The following HERC2 variants were observed in gnomAD, a reference collection of about 807,000 sequenced individuals.
The protein encoded by HERC2 is HECT and RLD domain containing E3 ubiquitin protein ligase 2.
In HERC2, 102 loss-of-function variants were observed where a neutral mutation model predicts 537.7. The ratio of observed to expected loss-of-function variants is 0.19; its 90% CI spans 0.16 to 0.22. HERC2 has a LOEUF of 0.22. HERC2 is among the 10% of genes least tolerant of loss of function. The probability of loss-of-function intolerance (pLI) is 1.00; values close to 1 mark genes in which losing one functional copy is unlikely to be tolerated. For missense variants in HERC2, 4,236 were observed against 6,198.2 expected (o/e 0.68, Z 10.63); for synonymous variants, 2,224 against 2,466.2 (o/e 0.90, Z 2.91).
At position 28,111,655 on chromosome 15, in the gene HERC2, G is replaced by A. The variant is rs557582036; in HGVS notation, c.*108C>T. The A allele has an allele frequency of 1.6e-4, 203 of 1,231,676 alleles. No individual in the cohort carries two copies. The highest frequency in any genetic ancestry group is 2.2e-4 in the Non-Finnish European group (189 of 874,054). The allele number at this position is 1,231,676 out of a possible 1,614,324, so 76.3% of individuals were successfully genotyped here. ...TCCACTCCCTCCTCCCGCCTGGCTC[G>A]AGGACGGACGCTTCTCATCAGACAC... On this transcript the variant is annotated 3_prime_UTR_variant, in exon 93 of 93. Transcript: ENST00000261609.
intron 2 of HERC2, among the ~76,000 whole-genome samples, chr15:28,321,105 A>C (rs1329716085): frequency 3.9e-5 from 6 of 152,238 alleles, no homozygotes; most frequent in African/African-American, 1.4e-4. Flanking sequence ...AGTAATAATA[A>C]ATAGGAAAAA....
intron 4 of HERC2, among the ~76,000 whole-genome samples, chr15:28,289,569 C>T (rs2076255061): frequency 1.3e-5 from 2 of 152,230 alleles, no homozygotes; most frequent in African/African-American, 2.4e-5. Flanking sequence ...TAAAGCCAGT[C>T]GCTGGAGCTG....
chr15:28,197,749 G>C (rs1450552260), intron 50 of HERC2, among the ~76,000 whole-genome samples: 2 of 152,122 alleles, frequency 1.3e-5, no homozygotes, highest in Non-Finnish European at 2.9e-5. Context: ...GAAAGAAAAA[G>C]CAGTCCTGAC....
chr15:28,198,249 G>A, intron 50 of HERC2, 129 bp downstream of exon 50: 1 of 1,084,518 alleles, frequency 9.2e-7, no homozygotes, highest in Non-Finnish European at 1.3e-6. Flanking sequence ...GCACTGACAA[G>A]CAAAGGAACA....
At chr15:28,301,453 G>C (rs1489827119) in intron 2 of HERC2, among the ~76,000 whole-genome samples, 1 of 151,404 alleles carries the variant, frequency 6.6e-6, no homozygotes, top group African/African-American at 2.4e-5. Flanking sequence ...GACTGATAGG[G>C]ACTCCTGACC....
Position 28,207,110 on chromosome 15 carries a change from C to T in HERC2, c.7070-728G>A, listed in dbSNP as rs576316474. ...CTGTCTCTTAGAGCCAGCAAATGCTCCTTCCCAGATTTCTGCACTTGGTCT... is the reference window on the plus strand; with the variant it reads ...CTGTCTCTTAGAGCCAGCAAATGCTTCTTCCCAGATTTCTGCACTTGGTCT... On this transcript the variant is annotated intron_variant, in intron 44 of 92. Transcript: ENST00000261609. 1.5e-4 allele frequency among the ~76,000 whole-genome samples: 23 copies of T among 150,984 alleles called. No individual in the cohort carries two copies. In the South Asian group the frequency reaches 4.6e-3, roughly 30 times the overall value.
At position 28,163,254 on chromosome 15, in the gene HERC2, G is replaced by A. The variant is rs766930414; in HGVS notation, c.10586C>T (p.Pro3529Leu). The change falls in exon 69 of 93, where the codon CCG becomes CTG. Residue 3529 changes from proline to leucine, a missense_variant. Physicochemically the swap from Pro to Leu is moderately conservative, Grantham distance 98. This residue lies in a region of HERC2 where 356 missense variants were observed against 450.9 expected (regional missense o/e 0.79). Coordinates refer to ENST00000261609, the MANE Select transcript of HERC2 (RefSeq NM_004667.6). ...DVESQNKAAGPEPQALDEFTS... is the reference protein window; with the variant it reads ...DVESQNKAAGLEPQALDEFTS... ...GAACTCATCCAAGGCCTGAGGCTCC[G>A]GACCTGCTGCTTTATTTTGGCTTTC... 9.9e-6 allele frequency: 16 copies of A among 1,613,470 alleles called. No homozygotes were observed. Among genetic ancestry groups the A allele is most frequent in the African/African-American group, 5.3e-5 (4 of 75,042 alleles).
At chr15:28,262,693 T>G (rs2075447668) in intron 15 of HERC2, among the ~76,000 whole-genome samples, 1 of 134,422 alleles carries the variant, frequency 7.4e-6, no homozygotes, top group Admixed American at 7.1e-5. Context: ...TTAAATTACA[T>G]TTCAGTCATT....
At position 28,246,648 on chromosome 15, in the gene HERC2, A is replaced by G. The variant is rs755818976; in HGVS notation, c.3391+94T>C. 44 of 1,107,600 alleles carry G rather than the reference A, an allele frequency of 4.0e-5. 1 individual carries two copies. The South Asian group carries it at 7.5e-4, about 19-fold the overall frequency. The allele number at this position is 1,107,600 out of a possible 1,614,324, so 68.6% of individuals were successfully genotyped here. A position where few individuals can be genotyped will look rare whatever the true frequency, so the allele number is the denominator to read the frequency against. The stretch of plus-strand genomic sequence containing the variant: ...GGCAGGAGGCCCAGAAAATTTAGAG[A>G]GTAAATGCAGGCATGCTGATCAGCA... On this transcript the variant is annotated intron_variant, in intron 22 of 92. Coordinates refer to ENST00000261609, the MANE Select transcript of HERC2 (RefSeq NM_004667.6).
chr15:28,256,050 C>T lies in HERC2; in HGVS notation c.2746+39G>A, dbSNP rs373451213. The T allele has an allele frequency of 2.8e-5, 45 of 1,604,724 alleles. No homozygotes were observed. The East Asian group carries it at 6.9e-4, about 25-fold the overall frequency. ...GTGAAACGCCATTCCCTCCCAACACCCTGACCCATGCCCTCTCCTGTTCCT... is the reference window on the plus strand; with the variant it reads ...GTGAAACGCCATTCCCTCCCAACACTCTGACCCATGCCCTCTCCTGTTCCT... On this transcript the variant is annotated intron_variant, in intron 18 of 92. Transcript: ENST00000261609.
intron 69 of HERC2, 147 bp downstream of exon 69, chr15:28,162,947 T>C: frequency 1.5e-6 from 1 of 680,250 alleles, no homozygotes; most frequent in Admixed American, 2.7e-5. Context: ...AACGTTTTGC[T>C]CTAAAGGAGT....
chr15:28,260,170 T>C (rs1223052664), intron 16 of HERC2, among the ~76,000 whole-genome samples: 1 of 145,100 alleles, frequency 6.9e-6, no homozygotes, highest in Non-Finnish European at 1.5e-5. Flanking sequence ...TGAAACCGTA[T>C]CTCCAAAAAA....
intron 69 of HERC2, among the ~76,000 whole-genome samples, chr15:28,158,559 T>G (rs1298831641): frequency 6.6e-6 from 1 of 152,090 alleles, no homozygotes; most frequent in Non-Finnish European, 1.5e-5. Context: ...GGATTGCAAC[T>G]CCTGCCTTTT....
rs764153781 is a variant in HERC2 at position 28,146,385 on chromosome 15, A to T, written c.10901-41T>A. 9.0e-6 allele frequency: 12 copies of T among 1,335,686 alleles called. No individual in the cohort carries two copies. In the African/African-American group the frequency reaches 1.2e-4, roughly 13 times the overall value. 82.7% of individuals were successfully genotyped at this position (1,335,686 alleles called of 1,614,324 possible). A position where few individuals can be genotyped will look rare whatever the true frequency, so the allele number is the denominator to read the frequency against. On this transcript the variant is annotated intron_variant, in intron 70 of 92. Transcript: ENST00000261609. ...GCACAAAACATAGCAACCACTCCAG[A>T]TCAGCACCCAAAGTAGAAACAGTGA...
chr15:28,123,298 T>C (rs915438457), intron 85 of HERC2, among the ~76,000 whole-genome samples: 2 of 152,240 alleles, frequency 1.3e-5, no homozygotes, highest in Admixed American at 1.3e-4. Flanking sequence ...TGGGCCATAA[T>C]ATTCGACAAC....
intron 37 of HERC2, among the ~76,000 whole-genome samples, chr15:28,219,273 G>A (rs780951053): frequency 6.6e-6 from 1 of 152,242 alleles, no homozygotes; most frequent in Non-Finnish European, 1.5e-5. Flanking sequence ...CGCTTGGCTG[G>A]CTTTGGGATG....
intron 2 of HERC2, among the ~76,000 whole-genome samples, chr15:28,302,918 G>T (rs2141221404): frequency 6.6e-6 from 1 of 152,084 alleles, no homozygotes; most frequent in African/African-American, 2.4e-5. Flanking sequence ...TCCTTTGTCA[G>T]ATGGGTAGTT....
At chr15:28,219,193 C>T (rs1900252727) in intron 37 of HERC2, among the ~76,000 whole-genome samples, 1 of 152,252 alleles carries the variant, frequency 6.6e-6, no homozygotes, top group African/African-American at 2.4e-5. Flanking sequence ...TTCTGATGAG[C>T]TGGCTGTGTC....
chr15:28,170,606 ATATACT>A (rs1005411932), intron 65 of HERC2, among the ~76,000 whole-genome samples: 26 of 152,362 alleles, frequency 1.7e-4, no homozygotes, highest in Admixed American at 5.2e-4. Context: ...CTAGGCAAAA[ATATACT>A]TAGACTTGAC....
Sources: gnomAD v4.1 joint callset for allele counts (sites outside exome capture counted in the v4.1 genomes callset) on GRCh38, gnomAD v4.1.1 for gene constraint, gnomAD v4.1.1 regional missense constraint, MANE v1.5 for transcripts, NCBI Gene and HGNC (gene_info 2026-07-23, HGNC 2026-07-21) for gene names.